Variants in ADGRL3 observed in about 807,000 individuals in gnomAD.
ADGRL3 encodes calcium-independent alpha-latrotoxin receptor 3.
Under a neutral mutation model 153.5 loss-of-function variants are expected in ADGRL3, and 62 were observed. That is an observed-to-expected ratio of 0.40 (90% CI 0.33 to 0.50). The LOEUF is 0.50. Ranked by LOEUF, ADGRL3 falls within the 20% of genes least tolerant of loss-of-function variation. The pLI, the probability that ADGRL3 is intolerant of heterozygous loss-of-function variation, is 0.47. For synonymous variants in ADGRL3, 710 were observed against 672.5 expected (o/e 1.06, Z -0.86); for missense variants, 1,641 against 1,859.4 (o/e 0.88, Z 2.16).
intron 9 of ADGRL3, among the ~76,000 whole-genome samples, chr4:61,835,337 G>GAAAA (rs34440166): frequency 7.6e-4 from 25 of 33,040 alleles, no homozygotes; most frequent in Non-Finnish European, 8.7e-4. Context: ...TGGCAAGACT[G>GAAAA]AAAAAAAAAA....
chr4:62,000,419 ATCTT>A (rs1352436977), intron 21 of ADGRL3, among the ~76,000 whole-genome samples: 1 of 152,008 alleles, frequency 6.6e-6, no homozygotes, highest in African/African-American at 2.4e-5. Flanking sequence ...ATGTGGGTGA[ATCTT>A]TATGATATCA....
At chr4:61,564,366 C>T (rs890964626) in intron 4 of ADGRL3, among the ~76,000 whole-genome samples, 1 of 152,002 alleles carries the variant, frequency 6.6e-6, no homozygotes, top group African/African-American at 2.4e-5. Flanking sequence ...CCTCGAATTT[C>T]CAGACTCAAG....
At chr4:61,225,781 C>T (rs962899429) in intron 1 of ADGRL3, among the ~76,000 whole-genome samples, 1 of 152,106 alleles carries the variant, frequency 6.6e-6, no homozygotes, top group Non-Finnish European at 1.5e-5. Flanking sequence ...TTCTCTGGGA[C>T]CCCCAGTGAA....
intron 2 of ADGRL3, among the ~76,000 whole-genome samples, chr4:61,387,475 T>C (rs1298765766): frequency 2.0e-5 from 3 of 152,102 alleles, no homozygotes; most frequent in African/African-American, 7.2e-5. Flanking sequence ...ATTTCATCTC[T>C]GCAGCCTCGA....
At chr4:61,314,606 C>T (rs1472657644) in intron 1 of ADGRL3, among the ~76,000 whole-genome samples, 1 of 152,188 alleles carries the variant, frequency 6.6e-6, no homozygotes, top group Non-Finnish European at 1.5e-5. Context: ...CTTGCTGGCT[C>T]GTTGAAAAGT....
chr4:61,378,627 A>G (rs963167806), intron 1 of ADGRL3, among the ~76,000 whole-genome samples: 1 of 152,022 alleles, frequency 6.6e-6, no homozygotes, highest in Non-Finnish European at 1.5e-5. Context: ...CAGCAACCCA[A>G]GCTCGCTGTT....
intron 6 of ADGRL3, 79 bp downstream of exon 6, chr4:61,677,014 A>G (rs1168892722): frequency 9.9e-6 from 9 of 909,072 alleles, no homozygotes; most frequent in Non-Finnish European, 1.4e-5. Flanking sequence ...AATATTCTCT[A>G]TGAAAACATA....
chr4:62,056,481 T>A (rs920500995), intron 25 of ADGRL3, among the ~76,000 whole-genome samples: 1 of 152,028 alleles, frequency 6.6e-6, no homozygotes, highest in Non-Finnish European at 1.5e-5. Flanking sequence ...AACATATACC[T>A]AAATCATTTT....
At chr4:61,885,961 T>C (rs1231811800) in intron 9 of ADGRL3, among the ~76,000 whole-genome samples, 1 of 152,198 alleles carries the variant, frequency 6.6e-6, no homozygotes, top group African/African-American at 2.4e-5. Context: ...CAAAATCTTA[T>C]ATTTTTGCTT....
chr4:61,787,784 A>C (rs1273038114), intron 8 of ADGRL3, among the ~76,000 whole-genome samples: 1 of 152,166 alleles, frequency 6.6e-6, no homozygotes, highest in East Asian at 1.9e-4. Context: ...AAATTATGAC[A>C]GATTCATATA....
chr4:61,748,912 A>T (rs1334486833), intron 8 of ADGRL3, among the ~76,000 whole-genome samples: 9 of 151,438 alleles, frequency 5.9e-5, no homozygotes, highest in African/African-American at 2.2e-4. Context: ...CTACCATCAG[A>T]GTGAACAGGC....
rs562042094 is a variant in ADGRL3, at chr4:61,595,728, A to C, written c.473+8288A>C. On this transcript the variant is annotated intron_variant, in intron 5 of 26. Transcript: ENST00000683033. ...CTGGCTCTAAGCCTAGCCTAGCACTAGGAATTGCAGTCCTTGTGTCCCAAA... is the reference window on the plus strand; with the variant it reads ...CTGGCTCTAAGCCTAGCCTAGCACTCGGAATTGCAGTCCTTGTGTCCCAAA... 2.0e-5 allele frequency among the ~76,000 whole-genome samples: 3 copies of C among 152,244 alleles called. No homozygotes were observed. The South Asian group carries it at 6.2e-4, about 32-fold the overall frequency.
At chr4:61,800,972 G>A (rs2097488777) in intron 8 of ADGRL3, among the ~76,000 whole-genome samples, 1 of 152,124 alleles carries the variant, frequency 6.6e-6, no homozygotes, top group African/African-American at 2.4e-5. Flanking sequence ...AAACAAGTCT[G>A]CTGTCTACAC....
At chr4:61,348,915 T>G (rs1230459306) in intron 1 of ADGRL3, among the ~76,000 whole-genome samples, 1 of 152,022 alleles carries the variant, frequency 6.6e-6, no homozygotes. Context: ...TAATACAGTG[T>G]AAGTAAAGAA....
chr4:61,536,735 A>T (rs2098658906), intron 4 of ADGRL3, among the ~76,000 whole-genome samples: 1 of 151,950 alleles, frequency 6.6e-6, no homozygotes, highest in Non-Finnish European at 1.5e-5. Context: ...CATTTGCATG[A>T]TATATCTGTC....
intron 17 of ADGRL3, among the ~76,000 whole-genome samples, chr4:61,970,844 C>T (rs1014280691): frequency 6.6e-6 from 1 of 152,132 alleles, no homozygotes; most frequent in Non-Finnish European, 1.5e-5. Flanking sequence ...TTAATCCTTT[C>T]ACTTTCCCAA....
chr4:61,268,049 A>C (rs2092954385), intron 1 of ADGRL3, among the ~76,000 whole-genome samples: 1 of 151,634 alleles, frequency 6.6e-6, no homozygotes, highest in African/African-American at 2.4e-5. Context: ...ACATTGGCCA[A>C]CGTGCCATTT....
rs1414681442 is a variant in ADGRL3 at position 61,821,211 on chromosome 4, ATTAACT to A, written c.1480+7324_1480+7329del. Among the ~76,000 whole-genome samples the A allele has an allele frequency of 4.0e-5, 6 of 150,324 alleles. No individual in the cohort carries two copies. In the East Asian group the frequency reaches 5.9e-4, roughly 15 times the overall value. On this transcript the variant is annotated intron_variant, in intron 9 of 26. Coordinates refer to ENST00000683033, the MANE Select transcript of ADGRL3 (RefSeq NM_001387552.1). ...TACCAAAAAAAAAAAAAAAAAAGAC[ATTAACT>A]TCTAAAAAATGCCCTCCTAATGCCA...
intron 1 of ADGRL3, among the ~76,000 whole-genome samples, chr4:61,226,156 AAACATT>A (rs1295460673): frequency 6.6e-6 from 1 of 152,094 alleles, no homozygotes; most frequent in Non-Finnish European, 1.5e-5. Context: ...ATATTAACAT[AAACATT>A]AACATTTCTA....
Sources: gnomAD v4.1 joint callset for allele counts (sites outside exome capture counted in the v4.1 genomes callset) on GRCh38, gnomAD v4.1.1 for gene constraint, MANE v1.5 for transcripts, NCBI Gene and HGNC (gene_info 2026-07-23, HGNC 2026-07-21) for gene names.